ARHGEF4: variants seen among roughly 807,000 people sequenced by gnomAD.
ARHGEF4 encodes APC-stimulated guanine nucleotide exchange factor 1.
ARHGEF4 carries 119 observed loss-of-function variants against 162.0 expected under a neutral mutation model. The ratio of observed to expected loss-of-function variants is 0.73; its 90% CI spans 0.63 to 0.86. The LOEUF is 0.86. Ranked by LOEUF, ARHGEF4 falls within the 40% of genes least tolerant of loss-of-function variation. ARHGEF4 has a pLI of 0.00. For synonymous variants in ARHGEF4, 1,014 were observed against 979.9 expected, an observed-to-expected ratio of 1.03 and a Z score of -0.65; for missense variants, 2,488 against 2,456.0, an observed-to-expected ratio of 1.01 and a Z score of -0.28.
At chr2:130,980,389 C>CTCA (rs1686041941) in intron 4 of ARHGEF4, among the ~76,000 whole-genome samples, 1 of 141,448 alleles carries the variant, frequency 7.1e-6, no homozygotes, top group Non-Finnish European at 1.5e-5. Context: ...GACCATGTCT[C>CTCA]AAAAAAAAAA....
intron 4 of ARHGEF4, among the ~76,000 whole-genome samples, chr2:131,023,266 G>A (rs897156734): frequency 1.2e-4 from 18 of 151,640 alleles, no homozygotes; most frequent in African/African-American, 2.2e-4. Context: ...CCATCTCTAC[G>A]AAAGTTTTTC....
chr2:130,940,850 A>AAG (rs1683256291), intron 3 of ARHGEF4, among the ~76,000 whole-genome samples: 7 of 35,458 alleles, frequency 2.0e-4, no homozygotes, highest in Non-Finnish European at 1.1e-3. Flanking sequence ...AAAAAAAAAG[A>AAG]AAAAAAAAAA....
Position 131,012,050 on chromosome 2 carries a change from T to C in ARHGEF4, c.3986-15895T>C, listed in dbSNP as rs11888666. 1,428 of 642,754 alleles carry C rather than the reference T, an allele frequency of 2.2e-3. 12 individuals carry two copies. The highest frequency in any genetic ancestry group is 0.022 in the African/African-American group (1,197 of 55,488). The allele number at this position is 642,754 out of a possible 1,614,324, so 39.8% of individuals were successfully genotyped here. A position where few individuals can be genotyped will look rare whatever the true frequency, so the allele number is the denominator to read the frequency against. ...ATAACCAAAATTATCCTTGCCAAGA[T>C]TTTTGTTCTGAGCTACTGAAAGAAT... On this transcript the variant is annotated intron_variant, in intron 4 of 13. Coordinates refer to ENST00000409359, the MANE Select transcript of ARHGEF4 (RefSeq NM_001367493.1).
chr2:130,994,929 C>T (rs567936383), intron 4 of ARHGEF4, among the ~76,000 whole-genome samples: 5 of 152,334 alleles, frequency 3.3e-5, no homozygotes, highest in Admixed American at 2.0e-4. Context: ...ACTTCAGAGT[C>T]AGCCTGACTC....
At chr2:130,938,084 T>G (rs1683072590) in intron 3 of ARHGEF4, among the ~76,000 whole-genome samples, 1 of 152,232 alleles carries the variant, frequency 6.6e-6, no homozygotes, top group Admixed American at 6.5e-5. Context: ...ACAACTTGTT[T>G]AATCATTCAC....
Position 131,019,498 on chromosome 2 carries a change from G to GA in ARHGEF4, c.3986-8446dup, listed in dbSNP as rs1366726958. Among the ~76,000 whole-genome samples, 3 of 149,346 alleles carry GA rather than the reference G, an allele frequency of 2.0e-5. No individual in the cohort carries two copies. The East Asian group carries it at 5.8e-4, about 29-fold the overall frequency. ...GGTATTGTCATCTTAAATATATTAA[G>GA]ACTTTCAATTTATGAACATGGGACG... On this transcript the variant is annotated intron_variant, in intron 4 of 13. Coordinates refer to ENST00000409359, the MANE Select transcript of ARHGEF4 (RefSeq NM_001367493.1).
chr2:130,908,704 A>C (rs1054646378), intron 1 of ARHGEF4, among the ~76,000 whole-genome samples: 4 of 152,166 alleles, frequency 2.6e-5, no homozygotes, highest in Non-Finnish European at 1.5e-5. Context: ...ATTTAAAAAA[A>C]AAAGTTTTAC....
intron 5 of ARHGEF4, among the ~76,000 whole-genome samples, chr2:131,029,084 G>A (rs1689665947): frequency 2.0e-5 from 3 of 151,724 alleles, no homozygotes; most frequent in Non-Finnish European, 4.4e-5. Context: ...ATTAAGGGCG[G>A]GCATGGTGGC....
At chr2:131,045,756 C>T (rs1691200356) in intron 13 of ARHGEF4, 1 of 1,428,750 alleles carries the variant, frequency 7.0e-7, no homozygotes, top group Non-Finnish European at 9.1e-7. Flanking sequence ...GAGCTGCTTT[C>T]CCCATTTCTA....
intron 1 of ARHGEF4, among the ~76,000 whole-genome samples, chr2:130,870,849 C>T (rs1220927767): frequency 6.6e-6 from 1 of 152,084 alleles, no homozygotes; most frequent in African/African-American, 2.4e-5. Context: ...GAGCTCGAAG[C>T]TGGCTGACTC....
chr2:130,916,890 G>A lies in ARHGEF4; in HGVS notation c.2944G>A (p.Ala982Thr), dbSNP rs1681533939. 6.5e-7 allele frequency: 1 copy of A among 1,550,352 alleles called. No individual in the cohort carries two copies. Among genetic ancestry groups the A allele is most frequent in the Non-Finnish European group, 8.7e-7 (1 of 1,146,978 alleles). Reference protein sequence around the residue: ...LPLGPEVLSPAETDSHCEERA... With the variant: ...LPLGPEVLSPTETDSHCEERA... ...TCTAGGACCCGAAGTTCTCTCCCCAGCAGAGACCGACAGCCACTGTGAGGA... is the reference window on the plus strand; with the variant it reads ...TCTAGGACCCGAAGTTCTCTCCCCAACAGAGACCGACAGCCACTGTGAGGA... Residue 982 changes from alanine (A) to threonine (T), a missense_variant, in exon 2 of 14, where the codon GCA (alanine) becomes ACA (threonine). Transcript: ENST00000409359.
At chr2:130,970,601 AAAAAAAAG>A (rs1685296039) in intron 4 of ARHGEF4, among the ~76,000 whole-genome samples, 1 of 151,944 alleles carries the variant, frequency 6.6e-6, no homozygotes, top group African/African-American at 2.4e-5. Context: ...AAAAAAAAAA[AAAAAAAAG>A]AAAAGCCATC....
intron 4 of ARHGEF4, among the ~76,000 whole-genome samples, chr2:130,986,493 T>C (rs1412869219): frequency 6.6e-6 from 1 of 152,162 alleles, no homozygotes; most frequent in Non-Finnish European, 1.5e-5. Flanking sequence ...CTCAGATTGC[T>C]AGAAAGCAGC....
chr2:130,988,901 T>TATATATATATAGAGAGAGAG (rs1469212068), intron 4 of ARHGEF4, among the ~76,000 whole-genome samples: 1 of 113,382 alleles, frequency 8.8e-6, no homozygotes, highest in South Asian at 3.5e-4. Context: ...TATATATATA[T>TATATATATATAGAGAGAGAG]AGAGAGAGAG....
intron 1 of ARHGEF4, among the ~76,000 whole-genome samples, chr2:130,852,534 T>TG (rs1207576042): frequency 1.7e-4 from 5 of 29,418 alleles, no homozygotes; most frequent in Admixed American, 3.8e-4. Context: ...CTGGTGGGGG[T>TG]GGGGGGGACT....
intron 1 of ARHGEF4, among the ~76,000 whole-genome samples, chr2:130,896,481 C>G (rs529266515): frequency 2.0e-5 from 3 of 152,328 alleles, no homozygotes; most frequent in African/African-American, 7.2e-5. Context: ...CATCGCAGTT[C>G]ACTGCAGTAG....
Position 130,915,335 on chromosome 2 carries a change from G to A in ARHGEF4, c.1389G>A (p.Glu463=). Residue 463 remains glutamate (E), a synonymous_variant, in exon 2 of 14, where the codon GAG becomes GAA. Coordinates refer to ENST00000409359, the MANE Select transcript of ARHGEF4 (RefSeq NM_001367493.1). ...CTGAGCCCGCTGAGTGCAAGTCAGA[G>A]CAAAGCCCAGAAAGCAGAACCCAGG... The part of the protein sequence containing the change: ...EVPEPAECKS[E]QSPESRTQEP... The A allele has an allele frequency of 1.3e-6, 2 of 1,550,724 alleles. No homozygotes were observed. Among genetic ancestry groups the A allele is most frequent in the Non-Finnish European group, 1.7e-6 (2 of 1,147,042 alleles).
At chr2:131,030,750 C>T (rs1386224456) in intron 5 of ARHGEF4, among the ~76,000 whole-genome samples, 1 of 152,216 alleles carries the variant, frequency 6.6e-6, no homozygotes, top group East Asian at 1.9e-4. Flanking sequence ...GCAGCAAGGC[C>T]ATCTCTGTGT....
intron 4 of ARHGEF4, among the ~76,000 whole-genome samples, chr2:130,965,971 G>T (rs2105204982): frequency 6.6e-6 from 1 of 152,262 alleles, no homozygotes; most frequent in South Asian, 2.1e-4. Flanking sequence ...TGGCAGGGCA[G>T]GGTTTAAAAC....
Sources: gnomAD v4.1 joint callset for allele counts (sites outside exome capture counted in the v4.1 genomes callset) on GRCh38, gnomAD v4.1.1 for gene constraint, MANE v1.5 for transcripts, NCBI Gene and HGNC (gene_info 2026-07-23, HGNC 2026-07-21) for gene names.